FOXO1: variants seen among roughly 807,000 people sequenced by gnomAD.
FOXO1 encodes the protein forkhead box protein O1.
In FOXO1, 6 loss-of-function variants were observed where a neutral mutation model predicts 44.1. The ratio of observed to expected loss-of-function variants is 0.14; its 90% confidence interval spans 0.07 to 0.27. The LOEUF (loss-of-function observed/expected upper bound fraction) is 0.27, where lower values mean the gene tolerates loss of function less well. Among genes scored for constraint, FOXO1 ranks in the 10% least tolerant of loss-of-function variants. FOXO1 has a pLI of 1.00. For missense variants in FOXO1, 737 were observed against 888.8 expected, an observed-to-expected ratio of 0.83 and a Z score of 2.17; for synonymous variants, 380 against 362.7, an observed-to-expected ratio of 1.05 and a Z score of -0.54.
intron 1 of FOXO1, among the ~76,000 whole-genome samples, chr13:40,594,661 C>T (rs1008481452): frequency 3.3e-5 from 5 of 152,136 alleles, no homozygotes; most frequent in African/African-American, 9.7e-5. Flanking sequence ...ATAATACACA[C>T]GGGCTTCTCT....
intron 1 of FOXO1, chr13:40,620,488 G>A: frequency 1.8e-6 from 1 of 553,918 alleles, no homozygotes; most frequent in South Asian, 1.8e-5. Context: ...ATTATGACTG[G>A]GTCTGGAGAA....
intron 1 of FOXO1, among the ~76,000 whole-genome samples, chr13:40,636,877 T>G (rs1877175248): frequency 6.6e-6 from 1 of 152,170 alleles, no homozygotes; most frequent in Non-Finnish European, 1.5e-5. Context: ...AGTGCTAGGC[T>G]GAATAAACTA....
rs182490119 is a variant in FOXO1, at chr13:40,579,004, A to T, written c.631-18144T>A. ...CGGTGGTAATGAGGAAGAAAATCTA[A>T]GTCTGGCTCTATCTTTCTGACTGGA... is the stretch of plus-strand genomic sequence containing the variant. On this transcript the variant is annotated intron_variant, in intron 1 of 2. Transcript: ENST00000379561. Among the ~76,000 whole-genome samples, 141 of 152,338 alleles carry T rather than the reference A, an allele frequency of 9.3e-4. 4 individuals carry two copies. In the East Asian group the frequency reaches 0.026, roughly 28 times the overall value.
intron 1 of FOXO1, among the ~76,000 whole-genome samples, chr13:40,598,130 C>T (rs753241833): frequency 5.3e-5 from 8 of 152,152 alleles, no homozygotes; most frequent in Admixed American, 3.9e-4. Flanking sequence ...CAAAACGGAA[C>T]AAGCGAATGA....
rs752275319 is a variant in FOXO1, at chr13:40,560,042, C to T, written c.1449G>A (p.Gly483=). 5.0e-6 allele frequency: 8 copies of T among 1,614,048 alleles called. No individual in the cohort carries two copies. Among genetic ancestry groups the T allele is most frequent in the Non-Finnish European group, 5.1e-6 (6 of 1,180,016 alleles). ...GAACCCGGCTGTTGGGCTGGGCTACCCCAGGATCAACTGGTGTCATAATGT... is the reference window on the plus strand; with the variant it reads ...GAACCCGGCTGTTGGGCTGGGCTACTCCAGGATCAACTGGTGTCATAATGT... The part of the protein sequence containing the change: ...HNDIMTPVDP[G]VAQPNSRVLG... Residue 483 remains glycine, a synonymous_variant, in exon 2 of 3, where the codon GGG becomes GGA. Transcript: ENST00000379561. This position sits in a 1 kb window ranked among gnomAD's most constrained non-coding sequence, Gnocchi z 5.1.
intron 1 of FOXO1, among the ~76,000 whole-genome samples, chr13:40,594,462 G>A (rs953373600): frequency 6.6e-6 from 1 of 152,126 alleles, no homozygotes; most frequent in Admixed American, 6.5e-5. Flanking sequence ...AGGAAGTGAT[G>A]GGAAACAGGC....
intron 1 of FOXO1, chr13:40,619,004 T>C: frequency 2.0e-6 from 1 of 512,226 alleles, no homozygotes; most frequent in South Asian, 1.4e-5. Context: ...TGGAACAAAC[T>C]GGCCGGACAC....
chr13:40,648,532 G>A (rs1877580091), intron 1 of FOXO1, among the ~76,000 whole-genome samples: 1 of 152,172 alleles, frequency 6.6e-6, no homozygotes, highest in South Asian at 2.1e-4. Context: ...AAAAGCATGT[G>A]CATTCAACTA....
chr13:40,616,788 A>T (rs1876436961), intron 1 of FOXO1, among the ~76,000 whole-genome samples: 1 of 152,182 alleles, frequency 6.6e-6, no homozygotes, highest in African/African-American at 2.4e-5. Flanking sequence ...CCTGAAGTAG[A>T]CCAAGGAATG....
intron 1 of FOXO1, among the ~76,000 whole-genome samples, chr13:40,613,696 G>A (rs1876316014): frequency 6.6e-6 from 1 of 152,154 alleles, no homozygotes; most frequent in Non-Finnish European, 1.5e-5. Flanking sequence ...TTTGAAACAG[G>A]TCCCCAAAGA....
At chr13:40,589,161 G>T (rs1359133793) in intron 1 of FOXO1, among the ~76,000 whole-genome samples, 2 of 152,072 alleles carry the variant, frequency 1.3e-5, no homozygotes, top group African/African-American at 4.8e-5. Context: ...CTGTCCATAA[G>T]ACAGTCAAGG....
intron 1 of FOXO1, among the ~76,000 whole-genome samples, chr13:40,616,001 G>A (rs1021965917): frequency 7.2e-5 from 11 of 152,204 alleles, no homozygotes; most frequent in African/African-American, 2.7e-4. Context: ...AAGCAGTTAG[G>A]AGACAGAGCA....
chr13:40,629,948 T>C (rs994125588), intron 1 of FOXO1, among the ~76,000 whole-genome samples: 3 of 152,232 alleles, frequency 2.0e-5, no homozygotes, highest in Non-Finnish European at 4.4e-5. Context: ...CTACAACAAG[T>C]AGCCTGGTTT....
intron 1 of FOXO1, among the ~76,000 whole-genome samples, chr13:40,662,553 C>T (rs1478952100): frequency 6.6e-6 from 1 of 152,310 alleles, no homozygotes; most frequent in East Asian, 1.9e-4. Context: ...AGACATTTAA[C>T]ATACCATCCC....
chr13:40,647,973 T>C lies in FOXO1; in HGVS notation c.630+17610A>G, dbSNP rs770312138. On this transcript the variant is annotated intron_variant, in intron 1 of 2. Coordinates refer to ENST00000379561, the MANE Select transcript of FOXO1 (RefSeq NM_002015.4). ...AGAGTGGTAAGAGTCTCTTTGTCTT[T>C]TCCCCTTTATCTGTATAATCCCCAT... Among the ~76,000 whole-genome samples the C allele has an allele frequency of 2.3e-4, 35 of 152,210 alleles. 1 individual carries two copies. Among genetic ancestry groups the C allele is most frequent in the African/African-American group, 5.5e-4 (23 of 41,458 alleles).
At chr13:40,605,814 T>C (rs1237470876) in intron 1 of FOXO1, among the ~76,000 whole-genome samples, 1 of 152,116 alleles carries the variant, frequency 6.6e-6, no homozygotes, top group Non-Finnish European at 1.5e-5. Flanking sequence ...TGTGGAAAAC[T>C]AGTGTGTGAA....
At chr13:40,643,740 A>C (rs1877427735) in intron 1 of FOXO1, among the ~76,000 whole-genome samples, 1 of 152,196 alleles carries the variant, frequency 6.6e-6, no homozygotes, top group Non-Finnish European at 1.5e-5. Context: ...ATTTAAAAAA[A>C]AAAGAAAAAG....
intron 1 of FOXO1, among the ~76,000 whole-genome samples, chr13:40,658,692 C>A (rs1020692886): frequency 1.3e-5 from 2 of 152,126 alleles, no homozygotes; most frequent in Non-Finnish European, 1.5e-5. Context: ...AGATAAGAAA[C>A]GATTTCTCAA....
In FOXO1 at chr13:40,555,952, CACCCCTGGCCACACTGCCA is replaced by C. The variant is rs1439219135; in HGVS notation, c.*3078_*3096del. On this transcript the variant is annotated 3_prime_UTR_variant, in exon 3 of 3. Coordinates refer to ENST00000379561, the MANE Select transcript of FOXO1 (RefSeq NM_002015.4). The stretch of plus-strand genomic sequence containing the variant: ...TACGTCCTGATGGGACTTACATGGC[CACCCCTGGCCACACTGCCA>C]GGCTGTGCCCACCTCAAGGAGAGGC... The C allele has an allele frequency of 6.6e-6, 1 of 152,534 alleles. No individual in the cohort carries two copies. Among genetic ancestry groups the C allele is most frequent in the Non-Finnish European group, 1.5e-5 (1 of 68,036 alleles). 9.4% of individuals were successfully genotyped at this position (152,534 alleles called of 1,614,324 possible).
Sources: gnomAD v4.1 joint callset for allele counts (sites outside exome capture counted in the v4.1 genomes callset) on GRCh38, gnomAD v4.1.1 for gene constraint, Gnocchi (gnomAD v3.1) non-coding constraint, MANE v1.5 for transcripts, NCBI Gene and HGNC (gene_info 2026-07-23, HGNC 2026-07-21) for gene names.